The following MVB12B variants were observed in gnomAD, a reference collection of about 807,000 sequenced individuals.
MVB12B encodes the protein ESCRT-I complex subunit MVB12B.
In MVB12B, 16 loss-of-function variants were observed where a neutral mutation model predicts 41.6. The observed-to-expected ratio is 0.38, with a 90% CI of 0.26 to 0.58. The LOEUF is 0.58. MVB12B is among the 20% of genes least tolerant of loss of function. The pLI is 0.62. For synonymous variants in MVB12B, 133 were observed against 139.7 expected, an observed-to-expected ratio of 0.95 and a Z score of 0.34; for missense variants, 274 against 380.2, an observed-to-expected ratio of 0.72 and a Z score of 2.32.
intron 2 of MVB12B, among the ~76,000 whole-genome samples, chr9:126,344,951 A>G (rs1829548686): frequency 5.3e-5 from 8 of 152,218 alleles, no homozygotes; most frequent in Admixed American, 5.2e-4. Flanking sequence ...CACTTCTCAC[A>G]GGTCCCATCT....
At chr9:126,476,888 A>T (rs1469646153) in intron 7 of MVB12B, among the ~76,000 whole-genome samples, 3 of 151,688 alleles carry the variant, frequency 2.0e-5, no homozygotes, top group Admixed American at 2.0e-4. Context: ...AAAAAAAAAA[A>T]AAAAAAAAAT....
Position 126,354,766 on chromosome 9 carries a change from C to T in MVB12B, c.204+14136C>T, listed in dbSNP as rs180877722. ...TAGTAATGTTAACATTTTAGGGAAT[C>T]TGGGGACAGGGTATATAGGAATTAT... On this transcript the variant is annotated intron_variant, in intron 2 of 9. Coordinates refer to ENST00000361171, the MANE Select transcript of MVB12B (RefSeq NM_033446.3). 2.0e-5 allele frequency among the ~76,000 whole-genome samples: 3 copies of T among 152,252 alleles called. No homozygotes were observed. In the East Asian group the frequency reaches 5.8e-4, roughly 29 times the overall value.
intron 2 of MVB12B, among the ~76,000 whole-genome samples, chr9:126,374,608 C>T (rs1420129990): frequency 6.6e-6 from 1 of 152,240 alleles, no homozygotes; most frequent in Non-Finnish European, 1.5e-5. Context: ...CAGCCACCAT[C>T]CCAGGGACTG....
rs778819852 is a variant in MVB12B, at chr9:126,481,391, G to T, written c.780G>T (p.Met260Ile). 5.0e-5 allele frequency: 80 copies of T among 1,613,534 alleles called. No individual in the cohort carries two copies. The highest frequency in any genetic ancestry group is 6.0e-5 in the Non-Finnish European group (71 of 1,179,760). ...AISAMDGVPF[M>I]ISEKFSCVPE... is the part of the protein sequence containing the mutation. ...CAGCAATGGATGGTGTGCCTTTTATGATTTCAGAGAAGTTTTCTTGTGTTC... is the reference window on the plus strand; with the variant it reads ...CAGCAATGGATGGTGTGCCTTTTATTATTTCAGAGAAGTTTTCTTGTGTTC... Residue 260 changes from methionine to isoleucine, a missense_variant, in exon 8 of 10, where the codon ATG becomes ATT. Transcript: ENST00000361171.
At chr9:126,327,706 A>G (rs568240) in intron 1 of MVB12B, among the ~76,000 whole-genome samples, 30,276 of 152,172 alleles carry the variant, frequency 0.2, 3,161 homozygotes, top group Middle Eastern at 0.24. Context: ...GGTAGACCCA[A>G]GAGCATCTTT....
intron 1 of MVB12B, among the ~76,000 whole-genome samples, chr9:126,328,390 G>T (rs1338020054): frequency 6.6e-6 from 1 of 152,114 alleles, no homozygotes; most frequent in Non-Finnish European, 1.5e-5. Flanking sequence ...TCCTAATTTA[G>T]GTTCAAGGCA....
At chr9:126,471,533 T>C (rs1457667544) in intron 7 of MVB12B, among the ~76,000 whole-genome samples, 6 of 152,212 alleles carry the variant, frequency 3.9e-5, no homozygotes, top group Non-Finnish European at 7.3e-5. Context: ...TCAATTGGAA[T>C]GTCACTGAGC....
intron 1 of MVB12B, among the ~76,000 whole-genome samples, chr9:126,338,340 G>A (rs1829344565): frequency 6.6e-6 from 1 of 152,248 alleles, no homozygotes; most frequent in South Asian, 2.1e-4. Context: ...GGGCATTGTG[G>A]GAGCAGCATG....
intron 7 of MVB12B, among the ~76,000 whole-genome samples, chr9:126,458,072 G>A (rs1467652896): frequency 4.6e-5 from 7 of 152,102 alleles, no homozygotes; most frequent in Non-Finnish European, 1.0e-4. Context: ...CCCTCACCAC[G>A]GGGCAACCTT....
At position 126,391,587 on chromosome 9, in the gene MVB12B, G is replaced by C. The variant is rs931883702; in HGVS notation, c.410-479G>C. On this transcript the variant is annotated intron_variant, in intron 4 of 9. Transcript: ENST00000361171. The surrounding 1 kb of genome is among the most constrained non-coding windows in gnomAD (Gnocchi z 4.4). Reference sequence around the variant, plus strand: ...TTTAAATATCCAGCAAAACTGCAGGGGTGGGAGGAGAGGAAACCAGCTTGT... The same window carrying C: ...TTTAAATATCCAGCAAAACTGCAGGCGTGGGAGGAGAGGAAACCAGCTTGT... Among the ~76,000 whole-genome samples the C allele has an allele frequency of 1.3e-5, 2 of 152,222 alleles. No individual in the cohort carries two copies. The highest frequency in any genetic ancestry group is 4.8e-5 in the African/African-American group (2 of 41,440).
intron 1 of MVB12B, among the ~76,000 whole-genome samples, chr9:126,339,095 CT>C (rs1490109899): frequency 1.3e-5 from 2 of 152,232 alleles, no homozygotes; most frequent in Non-Finnish European, 2.9e-5. Flanking sequence ...GTGCCAGGCA[CT>C]TCCTAGCCTT....
At position 126,460,681 on chromosome 9, in the gene MVB12B, T is replaced by A. The variant is rs143407951; in HGVS notation, c.758-20688T>A. Among the ~76,000 whole-genome samples the A allele has an allele frequency of 5.3e-5, 8 of 152,046 alleles. No homozygotes were observed. In the East Asian group the frequency reaches 1.6e-3, roughly 30 times the overall value. The stretch of plus-strand genomic sequence containing the variant: ...AGGCCTCAGCATGTTGGGGAGATGA[T>A]GCTGGGGGTGGTAGCGGCCAGTGGA... On this transcript the variant is annotated intron_variant, in intron 7 of 9. Transcript: ENST00000361171.
At position 126,333,881 on chromosome 9, in the gene MVB12B, C is replaced by G. The variant is rs1193591817; in HGVS notation, c.82-6627C>G. On this transcript the variant is annotated intron_variant, in intron 1 of 9. Transcript: ENST00000361171. This position sits in a 1 kb window ranked among gnomAD's most constrained non-coding sequence, Gnocchi z 4.7. ...TCCATCCATCCATCCATCCATCCAT[C>G]CATCCATTCGTTCATCAAATACCTG... Among the ~76,000 whole-genome samples the G allele has an allele frequency of 7.3e-6, 1 of 137,262 alleles. No individual in the cohort carries two copies. Among genetic ancestry groups the G allele is most frequent in the Non-Finnish European group, 1.6e-5 (1 of 61,550 alleles). The allele number at this position is 137,262 out of a possible 152,430, so 90.0% of individuals were successfully genotyped here.
At chr9:126,369,758 ATTC>A (rs1309100504) in intron 2 of MVB12B, among the ~76,000 whole-genome samples, 1 of 152,092 alleles carries the variant, frequency 6.6e-6, no homozygotes, top group East Asian at 1.9e-4. Context: ...GGTTCAAATG[ATTC>A]TTCTGCCTCA....
intron 5 of MVB12B, among the ~76,000 whole-genome samples, chr9:126,393,949 C>T (rs576352705): frequency 6.6e-6 from 1 of 152,224 alleles, no homozygotes; most frequent in African/African-American, 2.4e-5. Context: ...AGCCTAGACC[C>T]GGTGAGACAG....
intron 7 of MVB12B, among the ~76,000 whole-genome samples, chr9:126,464,563 T>C (rs1172543730): frequency 6.6e-6 from 1 of 152,216 alleles, no homozygotes; most frequent in South Asian, 2.1e-4. Context: ...TCCAGTGATA[T>C]TGACGTGGGA....
intron 6 of MVB12B, among the ~76,000 whole-genome samples, chr9:126,420,616 G>A (rs1204627716): frequency 8.4e-6 from 1 of 118,610 alleles, no homozygotes; most frequent in Non-Finnish European, 1.6e-5. Context: ...TTGCTCTGTT[G>A]CCCATGCTAG....
intron 9 of MVB12B, among the ~76,000 whole-genome samples, chr9:126,497,869 A>G (rs1310701080): frequency 2.0e-5 from 3 of 152,352 alleles, no homozygotes; most frequent in African/African-American, 7.2e-5. Flanking sequence ...ACAGTTGCTC[A>G]GAGTCACCTG....
rs1830995948 is a variant in MVB12B at position 126,392,748 on chromosome 9, G to T, written c.539+553G>T. On this transcript the variant is annotated intron_variant, in intron 5 of 9. Transcript: ENST00000361171. This position sits in a 1 kb window ranked among gnomAD's most constrained non-coding sequence, Gnocchi z 4.8. ...CACTTGAGCAGAGACCTGAATGTCA[G>T]GAAACCAGCCATGCACAGATGTGAA... Among the ~76,000 whole-genome samples the T allele has an allele frequency of 6.6e-6, 1 of 152,244 alleles. No individual in the cohort carries two copies. Among genetic ancestry groups the T allele is most frequent in the Non-Finnish European group, 1.5e-5 (1 of 68,052 alleles).
Sources: allele counts gnomAD v4.1 joint callset (sites outside exome capture counted in the v4.1 genomes callset), GRCh38; gene constraint gnomAD v4.1.1; non-coding constraint Gnocchi (gnomAD v3.1); transcripts MANE v1.5; gene names NCBI Gene and HGNC (gene_info 2026-07-23, HGNC 2026-07-21).